The following MACROD1 variants were observed in gnomAD, a reference collection of about 807,000 sequenced individuals.
MACROD1 encodes the protein mono-ADP ribosylhydrolase 1.
Under a neutral mutation model 41.4 loss-of-function variants are expected in MACROD1, and 31 were observed. The observed-to-expected ratio is 0.75, with a 90% confidence interval of 0.56 to 1.01. The LOEUF is 1.01. MACROD1 is among the 50% of genes least tolerant of loss of function. The pLI, the probability that MACROD1 is intolerant of heterozygous loss-of-function variation, is 0.00. For synonymous variants in MACROD1, 252 were observed against 203.4 expected (o/e 1.24, Z -2.03); for missense variants, 473 against 460.0 (o/e 1.03, Z -0.26).
intron 3 of MACROD1, among the ~76,000 whole-genome samples, chr11:64,069,240 C>T (rs1481381368): frequency 6.6e-6 from 1 of 152,180 alleles, no homozygotes; most frequent in African/African-American, 2.4e-5. Flanking sequence ...TCACCTGGAT[C>T]CGCAGTTCTA....
intron 3 of MACROD1, among the ~76,000 whole-genome samples, chr11:64,024,986 A>AT (rs1173611272): frequency 6.6e-6 from 1 of 151,840 alleles, no homozygotes; most frequent in African/African-American, 2.4e-5. Context: ...TAATTTTTAA[A>AT]TTTTTTTTGA....
chr11:64,145,840 G>C (rs1945487776), intron 3 of MACROD1, among the ~76,000 whole-genome samples: 1 of 151,956 alleles, frequency 6.6e-6, no homozygotes, highest in African/African-American at 2.4e-5. Context: ...CACAATCTCG[G>C]CTCACCGCAA....
intron 3 of MACROD1, among the ~76,000 whole-genome samples, chr11:64,113,417 C>CATGGATGGATGG (rs71045732): frequency 6.2e-5 from 9 of 144,824 alleles, no homozygotes; most frequent in South Asian, 2.2e-4. Flanking sequence ...CAGGTTGATG[C>CATGGATGGATGG]ATGGATGGAT....
At position 64,165,971 on chromosome 11, in the gene MACROD1, G is replaced by T. The variant is rs1044204806; in HGVS notation, c.24C>A (p.Ser8=). 1.5e-6 allele frequency: 2 copies of T among 1,294,926 alleles called. No homozygotes were observed. The highest frequency in any genetic ancestry group is 1.9e-6 in the Non-Finnish European group (2 of 1,027,866). 80.2% of individuals were successfully genotyped at this position (1,294,926 alleles called of 1,614,324 possible). A position where few individuals can be genotyped will look rare whatever the true frequency, so the allele number is the denominator to read the frequency against. The change falls in exon 1 of 11, where the codon TCC becomes TCA. Residue 8 remains serine (S), a synonymous_variant. Coordinates refer to ENST00000255681, the MANE Select transcript of MACROD1 (RefSeq NM_014067.4). ...CCGCGCGCAGCTGTGCCAGGCGGCCGGACAGTCGGCTCTGTAGAGACATGA... is the reference window on the plus strand; with the variant it reads ...CCGCGCGCAGCTGTGCCAGGCGGCCTGACAGTCGGCTCTGTAGAGACATGA... The part of the protein sequence containing the change: MSLQSRL[S]GRLAQLRAAG...
At chr11:64,116,591 G>A (rs769032424) in intron 3 of MACROD1, 1 of 1,614,114 alleles carries the variant, frequency 6.2e-7, no homozygotes. Flanking sequence ...AGGTCAACGT[G>A]CAGGTCATCT....
In MACROD1 at chr11:64,055,428, C is replaced by T. The variant is rs921587583; in HGVS notation, c.518-40147G>A. Among the ~76,000 whole-genome samples, 5 of 152,322 alleles carry T rather than the reference C, an allele frequency of 3.3e-5. No homozygotes were observed. The East Asian group carries it at 5.8e-4, about 18-fold the overall frequency. On this transcript the variant is annotated intron_variant, in intron 3 of 10. Transcript: ENST00000255681. The stretch of plus-strand genomic sequence containing the variant: ...GATGGGTGCTTTGCACAGGCCAGGA[C>T]GGGAGCTAGTGGCAGGGCAGGTAGC...
intron 3 of MACROD1, among the ~76,000 whole-genome samples, chr11:64,113,574 A>G (rs1447196468): frequency 7.0e-6 from 1 of 143,286 alleles, no homozygotes; most frequent in African/African-American, 2.6e-5. Flanking sequence ...AGGTGGATGC[A>G]TGGATAGCAT....
rs1016917137 is a variant in MACROD1, at chr11:64,067,644, G to C, written c.518-52363C>G. The stretch of plus-strand genomic sequence containing the variant: ...GCCCGTGGCCTCCGGTGCACACACA[G>C]GGTCCCCAAGCAGGCAGCTGGAGGG... On this transcript the variant is annotated intron_variant, in intron 3 of 10. Coordinates refer to ENST00000255681, the MANE Select transcript of MACROD1 (RefSeq NM_014067.4). This position sits in a 1 kb window ranked among gnomAD's most constrained non-coding sequence, Gnocchi z 4.6. Among the ~76,000 whole-genome samples the C allele has an allele frequency of 6.6e-6, 1 of 152,152 alleles. No individual in the cohort carries two copies.
At chr11:64,085,950 C>A (rs993141513) in intron 3 of MACROD1, among the ~76,000 whole-genome samples, 2 of 152,090 alleles carry the variant, frequency 1.3e-5, no homozygotes, top group Admixed American at 1.3e-4. Context: ...CCTTCCTGCG[C>A]CCCCAGCCCC....
At chr11:64,003,615 C>T (rs775396238) in intron 4 of MACROD1, among the ~76,000 whole-genome samples, 46 of 152,212 alleles carry the variant, frequency 3.0e-4, no homozygotes, top group Admixed American at 6.5e-5. Context: ...GGGTAAGCAC[C>T]TGCGTGGTGA....
rs568614085 is a variant in MACROD1 at position 64,069,221 on chromosome 11, T to C, written c.518-53940A>G. Among the ~76,000 whole-genome samples the C allele has an allele frequency of 2.6e-5, 4 of 152,186 alleles. No individual in the cohort carries two copies. The East Asian group carries it at 7.8e-4, about 30-fold the overall frequency. Reference sequence around the variant, plus strand: ...ACTGCGCGCGGCCGGGGGCCCGAGGTGGGCGCCTTCACCTGGATCCGCAGT... The same window carrying C: ...ACTGCGCGCGGCCGGGGGCCCGAGGCGGGCGCCTTCACCTGGATCCGCAGT... On this transcript the variant is annotated intron_variant, in intron 3 of 10. Coordinates refer to ENST00000255681, the MANE Select transcript of MACROD1 (RefSeq NM_014067.4).
At chr11:64,015,150 G>T in intron 4 of MACROD1, 102 bp downstream of exon 4, 1 of 1,246,340 alleles carries the variant, frequency 8.0e-7, no homozygotes, top group Non-Finnish European at 1.1e-6. Flanking sequence ...GGGGAAGGTG[G>T]ATTGCAGTGA....
chr11:64,147,699 C>T (rs1263708584), intron 3 of MACROD1, among the ~76,000 whole-genome samples: 1 of 151,384 alleles, frequency 6.6e-6, no homozygotes, highest in Non-Finnish European at 1.5e-5. Flanking sequence ...TCTGGGATTA[C>T]AGGTGTGAGC....
At chr11:64,163,122 A>AAAC (rs1945782389) in intron 1 of MACROD1, among the ~76,000 whole-genome samples, 1 of 145,270 alleles carries the variant, frequency 6.9e-6, no homozygotes. Flanking sequence ...CTTCATCTAA[A>AAAC]AAACAAACAA....
At chr11:64,140,391 A>G (rs1467188065) in intron 3 of MACROD1, among the ~76,000 whole-genome samples, 1 of 152,176 alleles carries the variant, frequency 6.6e-6, no homozygotes, top group Non-Finnish European at 1.5e-5. Flanking sequence ...CAGTCAGGAG[A>G]GGGCCGTCCC....
intron 3 of MACROD1, among the ~76,000 whole-genome samples, chr11:64,035,090 A>G (rs1943348143): frequency 6.6e-6 from 1 of 151,996 alleles, no homozygotes; most frequent in African/African-American, 2.4e-5. Flanking sequence ...TCTCACAGTA[A>G]CCTTTGGAGC....
In MACROD1 at chr11:64,146,491, C is replaced by T. The variant is rs1227705017; in HGVS notation, c.517+4748G>A. 6.6e-6 allele frequency among the ~76,000 whole-genome samples: 1 copy of T among 152,174 alleles called. No homozygotes were observed. The highest frequency in any genetic ancestry group is 2.4e-5 in the African/African-American group (1 of 41,424). On this transcript the variant is annotated intron_variant, in intron 3 of 10. Coordinates refer to ENST00000255681, the MANE Select transcript of MACROD1 (RefSeq NM_014067.4). This position sits in a 1 kb window ranked among gnomAD's most constrained non-coding sequence, Gnocchi z 4.7. ...AGATGGCAGGAACCTGAGACTCTCCCGGGTGCTACCCAAGCAAGTGGCCTC... is the reference window on the plus strand; with the variant it reads ...AGATGGCAGGAACCTGAGACTCTCCTGGGTGCTACCCAAGCAAGTGGCCTC...
intron 3 of MACROD1, among the ~76,000 whole-genome samples, chr11:64,102,918 A>T (rs1159563152): frequency 6.6e-6 from 1 of 152,126 alleles, no homozygotes; most frequent in Non-Finnish European, 1.5e-5. Context: ...ATTAAAAAAA[A>T]AAATTAGCCG....
Position 64,151,349 on chromosome 11 carries a change from G to A in MACROD1, c.407C>T (p.Ala136Val). The change falls in exon 3 of 11, where the codon GCT becomes GTT. Residue 136 changes from alanine (A) to valine (V), a missense_variant. Ala to Val is a moderately conservative substitution (Grantham distance 64, BLOSUM62 0). Transcript: ENST00000255681. ...PTWKEMAKGVAVKVEEPRYKK... is the reference protein window; with the variant it reads ...PTWKEMAKGVVVKVEEPRYKK... ...ATACCTGGGCTCCTCCACCTTCACA[G>A]CCACCCCTGGAACAAGTAGGGGCCG... is the stretch of plus-strand genomic sequence containing the variant. 6.2e-7 allele frequency: 1 copy of A among 1,612,342 alleles called. No homozygotes were observed. Among genetic ancestry groups the A allele is most frequent in the Non-Finnish European group, 8.5e-7 (1 of 1,179,122 alleles).
Sources: gnomAD v4.1 joint callset for allele counts (sites outside exome capture counted in the v4.1 genomes callset) on GRCh38, gnomAD v4.1.1 for gene constraint, Gnocchi (gnomAD v3.1) non-coding constraint, MANE v1.5 for transcripts, NCBI Gene and HGNC (gene_info 2026-07-23, HGNC 2026-07-21) for gene names.